Variants in MARCHF1 observed in about 807,000 individuals in gnomAD.
MARCHF1 encodes the protein E3 ubiquitin-protein ligase MARCHF1.
In MARCHF1, 40 loss-of-function variants were observed where a neutral mutation model predicts 54.2. That is an observed-to-expected ratio of 0.74 (90% CI 0.57 to 0.96). The LOEUF (loss-of-function observed/expected upper bound fraction) is 0.96, where lower values mean the gene tolerates loss of function less well. Among genes scored for constraint, MARCHF1 ranks in the 40% least tolerant of loss-of-function variants. MARCHF1 has a pLI of 0.00. For synonymous variants in MARCHF1, 236 were observed against 236.3 expected (o/e 1.00, Z 0.01); for missense variants, 586 against 656.5 (o/e 0.89, Z 1.17).
intron 5 of MARCHF1, among the ~76,000 whole-genome samples, chr4:163,679,263 C>T (rs974059902): frequency 6.6e-6 from 1 of 152,110 alleles, no homozygotes; most frequent in Non-Finnish European, 1.5e-5. Flanking sequence ...AATATTCTAC[C>T]AGATAGGAAG....
At chr4:163,762,898 A>G (rs1001926454) in intron 4 of MARCHF1, among the ~76,000 whole-genome samples, 1 of 152,112 alleles carries the variant, frequency 6.6e-6, no homozygotes, top group African/African-American at 2.4e-5. Flanking sequence ...GTAATTATGC[A>G]TCTTCCTACT....
chr4:163,913,576 C>T (rs1340940617), intron 3 of MARCHF1, among the ~76,000 whole-genome samples: 2 of 152,218 alleles, frequency 1.3e-5, no homozygotes, highest in Non-Finnish European at 2.9e-5. Flanking sequence ...CACCCTCATC[C>T]ATAATTTGCA....
intron 1 of MARCHF1, among the ~76,000 whole-genome samples, chr4:164,319,984 T>A (rs1423487530): frequency 6.6e-6 from 1 of 152,166 alleles, no homozygotes; most frequent in African/African-American, 2.4e-5. Context: ...ATGTATAATT[T>A]TTTTTACTGT....
At chr4:164,014,666 CA>C (rs1476490660) in intron 2 of MARCHF1, among the ~76,000 whole-genome samples, 1 of 151,938 alleles carries the variant, frequency 6.6e-6, no homozygotes, top group Non-Finnish European at 1.5e-5. Flanking sequence ...CCTATAAAAA[CA>C]CATATAGATT....
intron 4 of MARCHF1, among the ~76,000 whole-genome samples, chr4:163,726,700 A>T (rs1745664194): frequency 6.6e-6 from 1 of 152,242 alleles, no homozygotes. Flanking sequence ...CTAAATTGGC[A>T]GTTCCATTTT....
At chr4:163,763,032 A>G (rs961939491) in intron 4 of MARCHF1, among the ~76,000 whole-genome samples, 2 of 152,090 alleles carry the variant, frequency 1.3e-5, no homozygotes, top group Admixed American at 6.6e-5. Flanking sequence ...TCTGAGCACA[A>G]TTTTACCATT....
intron 2 of MARCHF1, among the ~76,000 whole-genome samples, chr4:164,051,931 G>T (rs925774914): frequency 1.3e-5 from 2 of 152,070 alleles, no homozygotes; most frequent in African/African-American, 2.4e-5. Context: ...AAATGCAAAA[G>T]AATTTTGATT....
chr4:163,946,985 T>TA (rs899756427), intron 3 of MARCHF1, among the ~76,000 whole-genome samples: 10 of 152,204 alleles, frequency 6.6e-5, no homozygotes, highest in Admixed American at 5.2e-4. Flanking sequence ...AGATTTTTTT[T>TA]AAAGTAGGCA....
intron 5 of MARCHF1, among the ~76,000 whole-genome samples, chr4:163,626,046 GAAT>G (rs1741859951): frequency 6.6e-6 from 1 of 152,196 alleles, no homozygotes; most frequent in Non-Finnish European, 1.5e-5. Flanking sequence ...TGGATGAGCA[GAAT>G]AATATGTTCT....
chr4:164,146,803 AG>A (rs1212848607), intron 1 of MARCHF1, among the ~76,000 whole-genome samples: 2 of 152,286 alleles, frequency 1.3e-5, no homozygotes, highest in African/African-American at 2.4e-5. Flanking sequence ...CAATGGCAAC[AG>A]AAGCCAAAAT....
At chr4:164,042,815 G>A (rs906790307) in intron 2 of MARCHF1, among the ~76,000 whole-genome samples, 2 of 152,158 alleles carry the variant, frequency 1.3e-5, no homozygotes, top group Non-Finnish European at 2.9e-5. Flanking sequence ...GGGGGTACAG[G>A]CATTGGGTAA....
chr4:163,716,820 C>T (rs6818812), intron 4 of MARCHF1, among the ~76,000 whole-genome samples: 69,222 of 151,976 alleles, frequency 0.46, 15,890 homozygotes, highest in Admixed American at 0.5. Context: ...ATTACAAATC[C>T]AGAGAGATTT....
intron 3 of MARCHF1, among the ~76,000 whole-genome samples, chr4:163,899,763 T>TAC (rs70948674): frequency 0.014 from 2,093 of 148,848 alleles, 36 homozygotes; most frequent in African/African-American, 0.047. Flanking sequence ...TCTCACCCAC[T>TAC]ACACACACAC....
chr4:163,777,133 C>T lies in MARCHF1; in HGVS notation c.112-76270G>A, dbSNP rs113358647. Among the ~76,000 whole-genome samples the T allele has an allele frequency of 3.5e-3, 532 of 152,234 alleles. 8 individuals carry two copies. The highest frequency in any genetic ancestry group is 0.012 in the African/African-American group (494 of 41,536). On this transcript the variant is annotated intron_variant, in intron 4 of 9. Transcript: ENST00000514618. ...GGTCAGGACACTGTCTTCTCAGAAG[C>T]GTTGGTCAATGAATCATGTTTAAGT... is the stretch of plus-strand genomic sequence containing the variant.
At chr4:163,939,912 T>C (rs989581802) in intron 3 of MARCHF1, among the ~76,000 whole-genome samples, 1 of 152,210 alleles carries the variant, frequency 6.6e-6, no homozygotes, top group Non-Finnish European at 1.5e-5. Context: ...TGTTATGGAC[T>C]GAATGTTTGT....
chr4:164,227,876 A>C (rs895954695), intron 1 of MARCHF1, among the ~76,000 whole-genome samples: 1 of 152,142 alleles, frequency 6.6e-6, no homozygotes, highest in Non-Finnish European at 1.5e-5. Flanking sequence ...CTGTAATATA[A>C]TCAGAGGATG....
At chr4:164,141,923 C>T (rs1295231115) in intron 1 of MARCHF1, among the ~76,000 whole-genome samples, 1 of 132,128 alleles carries the variant, frequency 7.6e-6, no homozygotes, top group Non-Finnish European at 1.5e-5. Flanking sequence ...GTTCATCTCA[C>T]TAGGGAGTGC....
At chr4:163,600,242 A>T (rs902597796) in intron 7 of MARCHF1, among the ~76,000 whole-genome samples, 1 of 152,124 alleles carries the variant, frequency 6.6e-6, no homozygotes, top group East Asian at 1.9e-4. Context: ...ACACACACAT[A>T]TATCTTCTGG....
chr4:163,719,558 G>C (rs1464146368), intron 4 of MARCHF1, among the ~76,000 whole-genome samples: 1 of 152,096 alleles, frequency 6.6e-6, no homozygotes, highest in Admixed American at 6.5e-5. Flanking sequence ...TAATGGGATG[G>C]CTGGGTCAAA....
Sources: allele counts gnomAD v4.1 joint callset (sites outside exome capture counted in the v4.1 genomes callset), GRCh38; gene constraint gnomAD v4.1.1; transcripts MANE v1.5; gene names NCBI Gene and HGNC (gene_info 2026-07-23, HGNC 2026-07-21).